Variants in LLGL1 observed in about 807,000 individuals in gnomAD.
LLGL1 encodes LLGL scribble cell polarity complex component 1.
In LLGL1, 58 loss-of-function variants were observed where a neutral mutation model predicts 110.6. The ratio of observed to expected loss-of-function variants is 0.52; its 90% CI spans 0.42 to 0.65. The LOEUF is 0.65. Ranked by LOEUF, LLGL1 falls within the 30% of genes least tolerant of loss-of-function variation. The probability of loss-of-function intolerance (pLI) is 0.00; values close to 1 mark genes in which losing one functional copy is unlikely to be tolerated. For synonymous variants in LLGL1, 674 were observed against 607.2 expected (o/e 1.11, Z -1.62); for missense variants, 1,229 against 1,462.1 (o/e 0.84, Z 2.60).
At chr17:18,226,970 A>T (rs1419444987) in intron 1 of LLGL1, among the ~76,000 whole-genome samples, 1 of 152,236 alleles carries the variant, frequency 6.6e-6, no homozygotes, top group African/African-American at 2.4e-5. Context: ...AGTCAGAGTG[A>T]GCTGCACCAA....
At chr17:18,239,193 G>T (rs909727906) in intron 16 of LLGL1, among the ~76,000 whole-genome samples, 1 of 152,100 alleles carries the variant, frequency 6.6e-6, no homozygotes, top group Non-Finnish European at 1.5e-5. Context: ...CCCAGGCCCC[G>T]AGCCGGGCAT....
intron 10 of LLGL1, 28 bp from the exon 11 acceptor site, chr17:18,235,442 T>G (rs1254813301): frequency 6.2e-7 from 1 of 1,613,584 alleles, no homozygotes. Flanking sequence ...CCTAACCTTG[T>G]GCATACATCT....
Position 18,230,014 on chromosome 17 carries a change from G to A in LLGL1, c.155G>A (p.Gly52Asp). The A allele has an allele frequency of 1.2e-6, 2 of 1,611,840 alleles. No individual in the cohort carries two copies. Among genetic ancestry groups the A allele is most frequent in the Non-Finnish European group, 1.7e-6 (2 of 1,179,722 alleles). ...CCGGAACTTCGCATCATGGCCATCG[G>A]CACCAGGTCTGGGGCTGTCAAGATG... ...FDPELRIMAIGTRSGAVKIYG... is the reference protein window; with the variant it reads ...FDPELRIMAIDTRSGAVKIYG... The change falls in exon 2 of 23, where the codon GGC (glycine) becomes GAC (aspartate). Residue 52 changes from glycine to aspartate, a missense_variant. Transcript: ENST00000316843.
At chr17:18,227,853 T>C (rs1286632380) in intron 1 of LLGL1, among the ~76,000 whole-genome samples, 1 of 152,068 alleles carries the variant, frequency 6.6e-6, no homozygotes, top group Non-Finnish European at 1.5e-5. Context: ...GGGGTGGTCT[T>C]GGGGAAGGGA....
chr17:18,231,478 C>T (rs1382330044), intron 2 of LLGL1, among the ~76,000 whole-genome samples: 1 of 152,208 alleles, frequency 6.6e-6, no homozygotes, highest in Admixed American at 6.5e-5. Flanking sequence ...CCCTCAGGCC[C>T]TGCTGTCCAC....
chr17:18,238,768 T>C (rs1317401566), intron 16 of LLGL1, among the ~76,000 whole-genome samples, 159 bp downstream of exon 16: 2 of 152,056 alleles, frequency 1.3e-5, no homozygotes, highest in Non-Finnish European at 2.9e-5. Context: ...CCCAGCACTT[T>C]GGGAGGCCGA....
chr17:18,232,637 GGCCA>G (rs753518824), intron 3 of LLGL1, 31 bp from the exon 4 acceptor site: 2 of 1,614,012 alleles, frequency 1.2e-6, no homozygotes, highest in South Asian at 2.2e-5. Flanking sequence ...CATCCCCCTA[GGCCA>G]GCCTAGTTTT....
Position 18,234,461 on chromosome 17 carries a change from T to C in LLGL1, c.850+53T>C. 1.9e-6 allele frequency: 3 copies of C among 1,597,824 alleles called. No homozygotes were observed. The South Asian group carries it at 3.3e-5, about 18-fold the overall frequency. On this transcript the variant is annotated intron_variant, in intron 7 of 22. Coordinates refer to ENST00000316843, the MANE Select transcript of LLGL1 (RefSeq NM_004140.4). ...GGGTGGTGATGGGAGGGGGCACCAC[T>C]GAGCCAAGCCAAACTGGCTGAGGAG...
rs2047803141 is a variant in LLGL1 at position 18,240,482 on chromosome 17, C to T, written c.2207-96C>T. On this transcript the variant is annotated intron_variant, in intron 16 of 22. Coordinates refer to ENST00000316843, the MANE Select transcript of LLGL1 (RefSeq NM_004140.4). The surrounding 1 kb of genome is among the most constrained non-coding windows in gnomAD (Gnocchi z 5.3). Reference sequence around the variant, plus strand: ...GTGTCATAGTTAGGAAGCAGGGCTACAAGAGAGGCAGGGAGGGACCTGCAG... The same window carrying T: ...GTGTCATAGTTAGGAAGCAGGGCTATAAGAGAGGCAGGGAGGGACCTGCAG... 1.4e-6 allele frequency: 2 copies of T among 1,384,550 alleles called. No homozygotes were observed. The highest frequency in any genetic ancestry group is 2.2e-5 in the Admixed American group (1 of 44,910). 85.8% of individuals were successfully genotyped at this position (1,384,550 alleles called of 1,614,324 possible). A position where few individuals can be genotyped will look rare whatever the true frequency, so the allele number is the denominator to read the frequency against.
chr17:18,230,153 T>G, intron 2 of LLGL1, 115 bp downstream of exon 2: 1 of 740,082 alleles, frequency 1.4e-6, no homozygotes, highest in Non-Finnish European at 2.2e-6. Flanking sequence ...ACAGAGGTGC[T>G]CTGATGGGCA....
At chr17:18,236,549 G>T in intron 11 of LLGL1, 58 bp from the exon 12 acceptor site, 1 of 1,528,684 alleles carries the variant, frequency 6.5e-7, no homozygotes, top group Non-Finnish European at 8.9e-7. Context: ...TGAGTGAATG[G>T]AGGGGCGTGC....
intron 11 of LLGL1, chr17:18,235,996 G>C: frequency 5.0e-6 from 1 of 198,478 alleles, no homozygotes; most frequent in South Asian, 8.9e-5. Flanking sequence ...TGGCTTTCAG[G>C]GCTGCTGGAA....
At chr17:18,237,368 T>C in intron 13 of LLGL1, 113 bp from the exon 14 acceptor site, 1 of 1,052,714 alleles carries the variant, frequency 9.5e-7, no homozygotes, top group Non-Finnish European at 1.3e-6. Flanking sequence ...CTGAAGACAG[T>C]CCTAGAACCA....
chr17:18,238,379 CAG>C (rs2047744054), intron 15 of LLGL1, 75 bp from the exon 16 acceptor site: 5 of 1,568,666 alleles, frequency 3.2e-6, no homozygotes, highest in Admixed American at 3.4e-5. Context: ...GGAATGGTAA[CAG>C]AACGTAGGGC....
chr17:18,241,701 C>T lies in LLGL1; in HGVS notation c.2753C>T (p.Thr918Met), dbSNP rs1298034286. 1.9e-6 allele frequency: 3 copies of T among 1,613,018 alleles called. No homozygotes were observed. Among genetic ancestry groups the T allele is most frequent in the East Asian group, 2.2e-5 (1 of 44,878 alleles). The change falls in exon 18 of 23, where the codon ACG (threonine) becomes ATG (methionine). Residue 918 changes from threonine (T) to methionine (M), a missense_variant. Physicochemically the swap from Thr to Met is moderately conservative, Grantham distance 81. Coordinates refer to ENST00000316843, the MANE Select transcript of LLGL1 (RefSeq NM_004140.4). ...AGCGGCATCGCTTCGTGCGTCTTTA[C>T]GCGCCATGGCCAGGGTGAGGCGGGG... Reference protein sequence around the residue: ...DISGIASCVFTRHGQGFYLIS... With the variant: ...DISGIASCVFMRHGQGFYLIS...
chr17:18,231,926 G>A lies in LLGL1; in HGVS notation c.180-569G>A, dbSNP rs193241447. On this transcript the variant is annotated intron_variant, in intron 2 of 22. Coordinates refer to ENST00000316843, the MANE Select transcript of LLGL1 (RefSeq NM_004140.4). The stretch of plus-strand genomic sequence containing the variant: ...ACCTGCCTCGGCCTCCCAAAGTGCT[G>A]GGATTACAGGAGCGAGCCACCGTGC... 7.2e-4 allele frequency among the ~76,000 whole-genome samples: 109 copies of A among 152,238 alleles called. 1 individual carries two copies. Among genetic ancestry groups the A allele is most frequent in the East Asian group, 3.3e-3 (17 of 5,172 alleles).
In LLGL1 at chr17:18,235,462, C is replaced by T; in HGVS notation, c.1285-8C>T. ...CCTTGTGCATACATCTCTGCCACCCCCTCCCAGAGCTGGCCCATCACTGGG... is the reference window on the plus strand; with the variant it reads ...CCTTGTGCATACATCTCTGCCACCCTCTCCCAGAGCTGGCCCATCACTGGG... On this transcript the variant is annotated splice_polypyrimidine_tract_variant and splice_region_variant and intron_variant, in intron 10 of 22. Transcript: ENST00000316843. 1 of 1,614,108 alleles carries T rather than the reference C, an allele frequency of 6.2e-7. No individual in the cohort carries two copies.
At chr17:18,233,620 G>T (rs1483720107) in intron 4 of LLGL1, among the ~76,000 whole-genome samples, 158 bp from the exon 5 acceptor site, 1 of 152,078 alleles carries the variant, frequency 6.6e-6, no homozygotes, top group Non-Finnish European at 1.5e-5. Context: ...TGAGCGGGCT[G>T]ATGATGATGC....
intron 22 of LLGL1, among the ~76,000 whole-genome samples, chr17:18,243,519 C>T (rs767734560): frequency 7.9e-5 from 12 of 152,244 alleles, no homozygotes; most frequent in African/African-American, 2.7e-4. Flanking sequence ...CAGGTCTCAT[C>T]GGTTGGGCCC....
Sources: gnomAD v4.1 joint callset for allele counts (sites outside exome capture counted in the v4.1 genomes callset) on GRCh38, gnomAD v4.1.1 for gene constraint, Gnocchi (gnomAD v3.1) non-coding constraint, MANE v1.5 for transcripts, NCBI Gene and HGNC (gene_info 2026-07-23, HGNC 2026-07-21) for gene names.